Variants in PABPC4L observed in about 807,000 individuals in gnomAD.
The protein encoded by PABPC4L is polyadenylate-binding protein 4-like.
For missense variants in PABPC4L, 452 were observed against 451.4 expected (o/e 1.00, Z -0.01); for synonymous variants, 169 against 164.1 (o/e 1.03, Z -0.23).
downstream of PABPC4L, among the ~76,000 whole-genome samples, chr4:134,191,961 GT>G (rs1424588316): frequency 2.0e-5 from 3 of 152,058 alleles, no homozygotes; most frequent in East Asian, 5.8e-4. Context: ...CCAAAACTTG[GT>G]TTTTTGAGAA....
Position 134,198,141 on chromosome 4 carries a change from A to G in PABPC4L, c.*1766T>C, listed in dbSNP as rs1432560984. ...AAAAGTCACTCAGATTATAAGACAA[A>G]TAATTATTGTGAGCATAAAAGTTGA... On this transcript the variant is annotated 3_prime_UTR_variant, in exon 2 of 2. Transcript: ENST00000421491. 1 of 151,734 alleles carries G rather than the reference A, an allele frequency of 6.6e-6. No individual in the cohort carries two copies. Among genetic ancestry groups the G allele is most frequent in the Admixed American group, 6.6e-5 (1 of 15,242 alleles). The allele number at this position is 151,734 out of a possible 1,614,324, so 9.4% of individuals were successfully genotyped here. A position where few individuals can be genotyped will look rare whatever the true frequency, so the allele number is the denominator to read the frequency against.
At chr4:134,016,681 T>C in the PABPC4L span, among the ~76,000 whole-genome samples, 2 of 152,146 alleles carry the variant, frequency 1.3e-5, no homozygotes, top group African/African-American at 4.8e-5. Flanking sequence ...CACAGGCCCA[T>C]TCTATTCTGT....
the PABPC4L span, among the ~76,000 whole-genome samples, chr4:133,978,484 C>T: frequency 6.6e-6 from 1 of 152,030 alleles, no homozygotes; most frequent in East Asian, 1.9e-4. Context: ...GATGTAATTG[C>T]GTGCACCTGT....
chr4:134,181,192 C>T, the PABPC4L span, among the ~76,000 whole-genome samples: 1 of 151,978 alleles, frequency 6.6e-6, no homozygotes, highest in African/African-American at 2.4e-5. Context: ...AGGCTTTATC[C>T]CAGTGATGCA....
the PABPC4L span, among the ~76,000 whole-genome samples, chr4:134,121,987 T>C: frequency 6.6e-6 from 1 of 151,916 alleles, no homozygotes; most frequent in Non-Finnish European, 1.5e-5. Context: ...CTGTCTTAGT[T>C]ACCCGAAAGT....
chr4:134,009,544 T>A, the PABPC4L span, among the ~76,000 whole-genome samples: 8 of 151,994 alleles, frequency 5.3e-5, no homozygotes, highest in Non-Finnish European at 1.2e-4. Context: ...GGGCAGCACA[T>A]AATCACTGTT....
chr4:134,136,122 C>T, the PABPC4L span, among the ~76,000 whole-genome samples: 3 of 152,110 alleles, frequency 2.0e-5, no homozygotes, highest in East Asian at 3.9e-4. Context: ...AACCTTACCA[C>T]TAGTTCTTTA....
chr4:134,131,714 CAAAAAAAAA>C, the PABPC4L span, among the ~76,000 whole-genome samples: 4 of 10,672 alleles, frequency 3.7e-4, no homozygotes, highest in African/African-American at 1.9e-3. Flanking sequence ...CCTGTGAAAC[CAAAAAAAAA>C]AAAAAAAAAA....
chr4:134,132,749 T>A, the PABPC4L span, among the ~76,000 whole-genome samples: 1 of 151,336 alleles, frequency 6.6e-6, no homozygotes, highest in South Asian at 2.1e-4. Context: ...ACCAAAAAGA[T>A]ATGTGCACAC....
At chr4:133,949,658 C>A in the PABPC4L span, among the ~76,000 whole-genome samples, 1 of 152,098 alleles carries the variant, frequency 6.6e-6, no homozygotes. Flanking sequence ...CTCCTGTCTT[C>A]GTGGTCAGGA....
chr4:134,098,203 A>G, the PABPC4L span, among the ~76,000 whole-genome samples: 1 of 151,824 alleles, frequency 6.6e-6, no homozygotes, highest in East Asian at 1.9e-4. Context: ...TCTACTGTCA[A>G]GTCAATATGC....
chr4:134,082,346 A>G, the PABPC4L span, among the ~76,000 whole-genome samples: 1 of 152,122 alleles, frequency 6.6e-6, no homozygotes, highest in East Asian at 1.9e-4. Context: ...GATTTGGGGT[A>G]TAAAGATGGG....
At chr4:134,140,122 G>A in the PABPC4L span, among the ~76,000 whole-genome samples, 15 of 151,836 alleles carry the variant, frequency 9.9e-5, no homozygotes, top group East Asian at 3.9e-4. Context: ...TTTTAGTTAC[G>A]TAGAATAAAT....
At chr4:134,009,705 G>A in the PABPC4L span, among the ~76,000 whole-genome samples, 1 of 151,906 alleles carries the variant, frequency 6.6e-6, no homozygotes, top group South Asian at 2.1e-4. Flanking sequence ...AACTAGTAGA[G>A]TTTCAGATGT....
the PABPC4L span, among the ~76,000 whole-genome samples, chr4:134,076,924 C>A: frequency 1.4e-4 from 21 of 152,086 alleles, no homozygotes; most frequent in African/African-American, 4.6e-4. Context: ...AAGAGATTGC[C>A]TGTCATAGCA....
the PABPC4L span, among the ~76,000 whole-genome samples, chr4:133,977,365 C>T: frequency 2.6e-5 from 4 of 152,020 alleles, no homozygotes; most frequent in African/African-American, 9.7e-5. Flanking sequence ...CAGCTTTCTT[C>T]TCTTTGCTTA....
the PABPC4L span, among the ~76,000 whole-genome samples, chr4:134,092,484 T>C: frequency 6.6e-6 from 1 of 152,088 alleles, no homozygotes; most frequent in Admixed American, 6.6e-5. Flanking sequence ...TGATACTTCC[T>C]GGATACCAGA....
the PABPC4L span, among the ~76,000 whole-genome samples, chr4:134,135,469 T>A: frequency 1.3e-5 from 2 of 152,148 alleles, no homozygotes; most frequent in Admixed American, 6.6e-5. Context: ...AGCATCTCCA[T>A]TAAAGTATAT....
the PABPC4L span, among the ~76,000 whole-genome samples, chr4:134,104,544 A>G: frequency 1.3e-5 from 2 of 151,768 alleles, no homozygotes; most frequent in African/African-American, 2.4e-5. Flanking sequence ...TCCGAAGCTC[A>G]GCACCTGTTT....
Sources: allele counts gnomAD v4.1 joint callset (sites outside exome capture counted in the v4.1 genomes callset), GRCh38; gene constraint gnomAD v4.1.1; transcripts MANE v1.5; gene names NCBI Gene and HGNC (gene_info 2026-07-23, HGNC 2026-07-21).